The following KCNT2 variants were observed in gnomAD, a reference collection of about 807,000 sequenced individuals.
The protein encoded by KCNT2 is potassium channel subfamily T member 2.
In KCNT2, 67 loss-of-function variants were observed where a neutral mutation model predicts 153.8. The observed-to-expected ratio is 0.44, with a 90% CI of 0.36 to 0.53. KCNT2 has a LOEUF of 0.53. Among genes scored for constraint, KCNT2 ranks in the 20% least tolerant of loss-of-function variants. The probability of loss-of-function intolerance (pLI) is 0.00; values close to 1 mark genes in which losing one functional copy is unlikely to be tolerated. For missense variants in KCNT2, 975 were observed against 1,354.8 expected (o/e 0.72, Z 4.40); for synonymous variants, 500 against 458.8 (o/e 1.09, Z -1.15).
intron 14 of KCNT2, among the ~76,000 whole-genome samples, chr1:196,355,313 A>C (rs940821205): frequency 1.3e-5 from 2 of 151,762 alleles, no homozygotes; most frequent in African/African-American, 4.8e-5. Flanking sequence ...ACCAAGCATC[A>C]AATTAGAAAT....
intron 13 of KCNT2, among the ~76,000 whole-genome samples, chr1:196,397,864 T>C (rs1671079675): frequency 6.6e-6 from 1 of 151,468 alleles, no homozygotes; most frequent in African/African-American, 2.4e-5. Context: ...AGATAGAATA[T>C]AATGTAAAAC....
chr1:196,477,358 G>GCT (rs1373681976), intron 5 of KCNT2, among the ~76,000 whole-genome samples: 1 of 152,080 alleles, frequency 6.6e-6, no homozygotes, highest in Non-Finnish European at 1.5e-5. Flanking sequence ...GGCTGAGGTT[G>GCT]GAGGATCACC....
At chr1:196,574,463 T>C (rs1399195900) in intron 1 of KCNT2, among the ~76,000 whole-genome samples, 2 of 151,922 alleles carry the variant, frequency 1.3e-5, no homozygotes, top group East Asian at 3.9e-4. Context: ...AGGAAGTAGG[T>C]AGCAAGGGAA....
intron 8 of KCNT2, among the ~76,000 whole-genome samples, chr1:196,441,002 G>C (rs1472497803): frequency 6.6e-6 from 1 of 151,676 alleles, no homozygotes; most frequent in African/African-American, 2.4e-5. Flanking sequence ...CCCTCATCCT[G>C]CTCAGAAAGA....
intron 8 of KCNT2, among the ~76,000 whole-genome samples, chr1:196,444,939 T>C (rs564419684): frequency 2.6e-5 from 4 of 151,514 alleles, no homozygotes; most frequent in Admixed American, 1.3e-4. Context: ...TTTATAGCTC[T>C]AACCAGAGCA....
intron 1 of KCNT2, among the ~76,000 whole-genome samples, chr1:196,589,285 G>A (rs1663059236): frequency 6.6e-6 from 1 of 151,586 alleles, no homozygotes; most frequent in South Asian, 2.1e-4. Context: ...GTGTGCACAC[G>A]TGAATAGTCA....
At chr1:196,324,089 G>A (rs1001409077) in intron 19 of KCNT2, among the ~76,000 whole-genome samples, 1 of 151,698 alleles carries the variant, frequency 6.6e-6, no homozygotes, top group African/African-American at 2.4e-5. Flanking sequence ...CAATACTTTC[G>A]GGAAGTACAC....
chr1:196,484,289 T>C (rs1679241423), intron 3 of KCNT2, among the ~76,000 whole-genome samples: 1 of 152,142 alleles, frequency 6.6e-6, no homozygotes, highest in Non-Finnish European at 1.5e-5. Flanking sequence ...TTGAGCTTTT[T>C]TTCAATATGT....
chr1:196,251,132 A>G (rs1655929452), intron 26 of KCNT2, among the ~76,000 whole-genome samples: 1 of 152,074 alleles, frequency 6.6e-6, no homozygotes, highest in Non-Finnish European at 1.5e-5. Flanking sequence ...GTATATACCC[A>G]AAAGAAAGGA....
chr1:196,430,431 T>C (rs1326252167), intron 8 of KCNT2, among the ~76,000 whole-genome samples: 1 of 151,938 alleles, frequency 6.6e-6, no homozygotes, highest in Non-Finnish European at 1.5e-5. Flanking sequence ...TCTCTCTCTC[T>C]TTCTCTCTCT....
chr1:196,544,000 G>A (rs1488887471), intron 1 of KCNT2, among the ~76,000 whole-genome samples: 6 of 152,046 alleles, frequency 3.9e-5, no homozygotes, highest in Non-Finnish European at 5.9e-5. Flanking sequence ...GTTTGCTTCC[G>A]TGGGTGACTA....
chr1:196,340,258 T>A, intron 16 of KCNT2, 83 bp downstream of exon 16: 1 of 881,228 alleles, frequency 1.1e-6, no homozygotes. Flanking sequence ...AAACTTTTAA[T>A]AAAAATTTAA....
chr1:196,270,929 C>A (rs1015870603), intron 25 of KCNT2, among the ~76,000 whole-genome samples: 1 of 151,558 alleles, frequency 6.6e-6, no homozygotes, highest in African/African-American at 2.4e-5. Flanking sequence ...TATTATAGTC[C>A]AGAAGAAAGG....
At chr1:196,497,137 C>G (rs1306942801) in intron 1 of KCNT2, among the ~76,000 whole-genome samples, 1 of 152,156 alleles carries the variant, frequency 6.6e-6, no homozygotes, top group Non-Finnish European at 1.5e-5. Context: ...ATTAATTACA[C>G]TTGGCCCTTT....
rs962899995 is a variant in KCNT2, at chr1:196,225,869, T to A, written c.*2355A>T. 13 of 152,112 alleles carry A rather than the reference T, an allele frequency of 8.5e-5. No homozygotes were observed. Among genetic ancestry groups the A allele is most frequent in the Non-Finnish European group, 1.9e-4 (13 of 67,974 alleles). The allele number at this position is 152,112 out of a possible 1,614,324, so 9.4% of individuals were successfully genotyped here. On this transcript the variant is annotated 3_prime_UTR_variant, in exon 28 of 28. Transcript: ENST00000294725. ...GGTACAGACAATAAACAGAATCAATTCCCATTGGGCTACAAGGACTATTAT... is the reference window on the plus strand; with the variant it reads ...GGTACAGACAATAAACAGAATCAATACCCATTGGGCTACAAGGACTATTAT...
chr1:196,378,803 GTATATATAATTATATA>G (rs1037510644), intron 13 of KCNT2, among the ~76,000 whole-genome samples: 2 of 146,686 alleles, frequency 1.4e-5, no homozygotes, highest in South Asian at 2.1e-4. Flanking sequence ...AAACAACATT[GTATATATAATTATATA>G]TATATATTAT....
At chr1:196,511,156 C>CAA (rs1681596666) in intron 1 of KCNT2, among the ~76,000 whole-genome samples, 1 of 136,888 alleles carries the variant, frequency 7.3e-6, no homozygotes, top group South Asian at 2.4e-4. Context: ...CACACACACA[C>CAA]AACTTTTTAA....
chr1:196,591,092 G>GATAAATGCT lies in KCNT2; in HGVS notation c.95+17122_95+17123insAGCATTTAT. Among the ~76,000 whole-genome samples the GATAAATGCT allele has an allele frequency of 2.6e-5, 4 of 152,234 alleles. No individual in the cohort carries two copies. In the South Asian group the frequency reaches 8.3e-4, roughly 32 times the overall value. On this transcript the variant is annotated intron_variant, in intron 1 of 27. Coordinates refer to ENST00000294725, the MANE Select transcript of KCNT2 (RefSeq NM_198503.5). ...TAGAGAATGATCCCCAATGTTGGAG[G>GATAAATGCT]TGGGGCTAATGGGAGGTGTTTGGGT...
intron 8 of KCNT2, among the ~76,000 whole-genome samples, chr1:196,444,581 A>C (rs1675527676): frequency 6.6e-6 from 1 of 151,464 alleles, no homozygotes; most frequent in Admixed American, 6.6e-5. Flanking sequence ...TCAAAAAGTC[A>C]ACTGTAAAAT....
Sources: allele counts gnomAD v4.1 joint callset (sites outside exome capture counted in the v4.1 genomes callset), GRCh38; gene constraint gnomAD v4.1.1; transcripts MANE v1.5; gene names NCBI Gene and HGNC (gene_info 2026-07-23, HGNC 2026-07-21).